TPR: variants seen among roughly 807,000 people sequenced by gnomAD.
TPR encodes nucleoprotein TPR.
Under a neutral mutation model 316.1 loss-of-function variants are expected in TPR, and 51 were observed. The ratio of observed to expected loss-of-function variants is 0.16; its 90% CI spans 0.13 to 0.20. TPR has a LOEUF of 0.20. Ranked by LOEUF, TPR falls within the 10% of genes least tolerant of loss-of-function variation. The pLI is 1.00. For synonymous variants in TPR, 981 were observed against 914.7 expected (o/e 1.07, Z -1.31); for missense variants, 2,272 against 2,754.8 (o/e 0.82, Z 3.92).
At chr1:186,367,742 A>T in intron 4 of TPR, 144 bp downstream of exon 4, 2 of 520,754 alleles carry the variant, frequency 3.8e-6, no homozygotes, top group Non-Finnish European at 6.8e-6. Context: ...ATAAATGAGT[A>T]GGAGAAATAA....
At chr1:186,350,417 CT>C in intron 20 of TPR, 29 bp from the exon 21 acceptor site, 2 of 1,477,998 alleles carry the variant, frequency 1.4e-6, no homozygotes, top group Non-Finnish European at 9.1e-7. Context: ...TTATAACATT[CT>C]TTAGGTTCCT....
At chr1:186,318,921 G>T in intron 46 of TPR, 93 bp from the exon 47 acceptor site, 1 of 1,173,472 alleles carries the variant, frequency 8.5e-7, no homozygotes, top group Non-Finnish European at 1.2e-6. Context: ...AATTATTGGA[G>T]ATATACAACT....
At chr1:186,326,081 T>C in intron 41 of TPR, 23 bp downstream of exon 41, 1 of 1,613,516 alleles carries the variant, frequency 6.2e-7, no homozygotes, top group Non-Finnish European at 8.5e-7. Flanking sequence ...GAACTATGAA[T>C]GGTTAAAATT....
intron 29 of TPR, 144 bp from the exon 30 acceptor site, chr1:186,339,916 T>A: frequency 1.6e-6 from 1 of 606,982 alleles, no homozygotes. Flanking sequence ...GATACTAAGA[T>A]CAAACTAAGC....
intron 33 of TPR, 66 bp downstream of exon 33, chr1:186,336,430 T>G (rs955854090): frequency 9.6e-6 from 14 of 1,454,198 alleles, no homozygotes; most frequent in Non-Finnish European, 1.3e-5. Context: ...CTATTCCATT[T>G]AGTTTTAGGC....
chr1:186,319,660 G>T (rs1657715966), intron 46 of TPR, among the ~76,000 whole-genome samples: 1 of 152,146 alleles, frequency 6.6e-6, no homozygotes, highest in Non-Finnish European at 1.5e-5. Context: ...GATGGCTAAA[G>T]ATTGAGCTTA....
Position 186,375,159 on chromosome 1 carries a change from G to A in TPR, c.-131C>T, listed in dbSNP as rs1659677177. The A allele has an allele frequency of 6.5e-7, 1 of 1,542,508 alleles. No homozygotes were observed. Among genetic ancestry groups the A allele is most frequent in the Non-Finnish European group, 8.7e-7 (1 of 1,143,414 alleles). ...CTCGCTCGGTGGCTCGCGCGCGCCCGCCCGCCGGAGACTCCCGCGGCGGGA... is the reference window on the plus strand; with the variant it reads ...CTCGCTCGGTGGCTCGCGCGCGCCCACCCGCCGGAGACTCCCGCGGCGGGA... On this transcript the variant is annotated 5_prime_UTR_variant, in exon 1 of 51. Transcript: ENST00000367478.
rs1160441851 is a variant in TPR at position 186,356,316 on chromosome 1, G to C, written c.1858C>G (p.Gln620Glu). 1 of 1,608,604 alleles carries C rather than the reference G, an allele frequency of 6.2e-7. No individual in the cohort carries two copies. Reference protein sequence around the residue: ...QRDMYRILLSQTTGVAIPLHA... With the variant: ...QRDMYRILLSETTGVAIPLHA... The stretch of plus-strand genomic sequence containing the variant: ...AATGGAATGGCAACTCCTGTTGTTT[G>C]TGACAATAAAATACGGTACATATCA... Residue 620 changes from glutamine to glutamate, a missense_variant, in exon 15 of 51, where the codon CAA becomes GAA. Physicochemically the swap from Gln to Glu is conservative, Grantham distance 29. Around this residue, in one of 10 missense-constraint regions of TPR, gnomAD observed 757 missense variants for 859.8 expected, o/e 0.88. Transcript: ENST00000367478.
Position 186,313,694 on chromosome 1 carries a change from C to A in TPR, c.*277G>T. The A allele has an allele frequency of 6.3e-7, 1 of 1,595,832 alleles. No homozygotes were observed. Among genetic ancestry groups the A allele is most frequent in the Non-Finnish European group, 8.6e-7 (1 of 1,163,572 alleles). The stretch of plus-strand genomic sequence containing the variant: ...TCTTCCATTTAGATCAATACTATAA[C>A]ATTGATGTGCCTAGTAGAACAGCAA... On this transcript the variant is annotated 3_prime_UTR_variant, in exon 51 of 51. Coordinates refer to ENST00000367478, the MANE Select transcript of TPR (RefSeq NM_003292.3).
intron 27 of TPR, chr1:186,342,955 T>C (rs576512526): frequency 8.3e-4 from 134 of 162,192 alleles, no homozygotes; most frequent in African/African-American, 3.0e-3. Context: ...TAAATTAAGA[T>C]AGCTGGAATT....
intron 3 of TPR, among the ~76,000 whole-genome samples, chr1:186,370,660 A>G (rs1320633255): frequency 6.6e-6 from 1 of 152,106 alleles, no homozygotes; most frequent in East Asian, 1.9e-4. Flanking sequence ...TCATTCTTAT[A>G]AAACTACCCT....
intron 22 of TPR, 37 bp downstream of exon 22, chr1:186,347,255 T>C (rs375047201): frequency 6.2e-7 from 1 of 1,603,712 alleles, no homozygotes; most frequent in Non-Finnish European, 8.5e-7. Context: ...TTAACAAATG[T>C]GTTGAGATTG....
At chr1:186,357,674 G>A (rs1403228681) in intron 13 of TPR, 51 bp from the exon 14 acceptor site, 1 of 1,495,996 alleles carries the variant, frequency 6.7e-7, no homozygotes, top group African/African-American at 1.4e-5. Flanking sequence ...TACAATTCTG[G>A]ACAAGTTTAG....
chr1:186,317,229 G>A (rs857586), intron 49 of TPR, among the ~76,000 whole-genome samples: 40 of 152,192 alleles, frequency 2.6e-4, no homozygotes, highest in African/African-American at 9.4e-4. Context: ...CAATAGTCTA[G>A]ATGAAACATG....
At chr1:186,323,619 A>C in intron 43 of TPR, 67 bp downstream of exon 43, 1 of 1,349,256 alleles carries the variant, frequency 7.4e-7, no homozygotes, top group Non-Finnish European at 9.7e-7. Context: ...GAAATACATA[A>C]TGGAAAGGGA....
rs1409269816 is a variant in TPR at position 186,360,867 on chromosome 1, G to T, written c.997C>A (p.Gln333Lys). ...AIQDHLLEVE[Q>K]SKDQMEKEML... is the part of the protein sequence containing the mutation. ...TCTTTTTCCATTTGATCTTTGGATT[G>T]CTCCACCTCTAGAAGATGATCTTGT... The change falls in exon 10 of 51, where the codon CAA (glutamine) becomes AAA (lysine). Residue 333 changes from glutamine to lysine, a missense_variant. This residue lies in a region of TPR where 549 missense variants were observed against 598.6 expected (regional missense o/e 0.92). Transcript: ENST00000367478. The T allele has an allele frequency of 6.2e-7, 1 of 1,612,610 alleles. No individual in the cohort carries two copies. Among genetic ancestry groups the T allele is most frequent in the South Asian group, 1.1e-5 (1 of 91,030 alleles).
Position 186,314,649 on chromosome 1 carries a change from C to T in TPR, c.7016G>A (p.Arg2339His), listed in dbSNP as rs200602585. Residue 2339 changes from arginine to histidine, a missense_variant, in exon 50 of 51, where the codon CGT (arginine) becomes CAT (histidine). Physicochemically the swap from Arg to His is conservative, Grantham distance 29. Around this residue, in one of 10 missense-constraint regions of TPR, gnomAD observed 123 missense variants for 142.3 expected, o/e 0.86. Coordinates refer to ENST00000367478, the MANE Select transcript of TPR (RefSeq NM_003292.3). Reference protein sequence around the residue: ...QTTLRQGVRGRQFNRQRGVSH... With the variant: ...QTTLRQGVRGHQFNRQRGVSH... ...TTCACCTCTCTGTCTGTTAAACTGA[C>T]GACCACGGACACCTTGTCTCAATGT... The T allele has an allele frequency of 5.0e-6, 8 of 1,611,134 alleles. No individual in the cohort carries two copies. The highest frequency in any genetic ancestry group is 5.1e-6 in the Non-Finnish European group (6 of 1,178,348).
At chr1:186,354,222 C>A (rs984769892) in intron 17 of TPR, among the ~76,000 whole-genome samples, 1 of 151,650 alleles carries the variant, frequency 6.6e-6, no homozygotes, top group Non-Finnish European at 1.5e-5. Flanking sequence ...ATTCTTTTTT[C>A]CCAATTCCAA....
chr1:186,314,799 C>A, intron 49 of TPR, 75 bp from the exon 50 acceptor site: 1 of 853,874 alleles, frequency 1.2e-6, no homozygotes, highest in Non-Finnish European at 1.8e-6. Flanking sequence ...AAACTAATTA[C>A]TAAATGAATG....
Sources: allele counts gnomAD v4.1 joint callset (sites outside exome capture counted in the v4.1 genomes callset), GRCh38; gene constraint gnomAD v4.1.1; regional missense constraint gnomAD v4.1.1; transcripts MANE v1.5; gene names NCBI Gene and HGNC (gene_info 2026-07-23, HGNC 2026-07-21).